The following GPR143 variants were observed in gnomAD, a reference collection of about 807,000 sequenced individuals.
GPR143 encodes G-protein coupled receptor 143.
In GPR143, 8 loss-of-function variants were observed where a neutral mutation model predicts 27.6. That is an observed-to-expected ratio of 0.29 (90% CI 0.17 to 0.52). The LOEUF (loss-of-function observed/expected upper bound fraction) is 0.52, where lower values mean the gene tolerates loss of function less well. Ranked by LOEUF, GPR143 falls within the 20% of genes least tolerant of loss-of-function variation. GPR143 has a pLI of 0.96. For synonymous variants in GPR143, 156 were observed against 153.2 expected, an observed-to-expected ratio of 1.02 and a Z score of -0.13; for missense variants, 303 against 343.1, an observed-to-expected ratio of 0.88 and a Z score of 0.92.
At chrX:9,749,594 C>G (rs1263045765) in intron 3 of GPR143, among the ~76,000 whole-genome samples, 1 of 112,171 alleles carries the variant, frequency 8.9e-6, no homozygotes, top group African/African-American at 3.2e-5. Flanking sequence ...GGTTCACTGA[C>G]GTTGTAGCAT....
intron 8 of GPR143, among the ~76,000 whole-genome samples, chrX:9,728,281 C>T (rs1045244515): frequency 3.7e-5 from 4 of 109,302 alleles, no homozygotes; most frequent in African/African-American, 6.7e-5. Flanking sequence ...TTGACAGCAA[C>T]GGGATGCAGC....
rs1846616636 is a variant in GPR143, at chrX:9,744,696, C to T, written c.659-1023G>A. On this transcript the variant is annotated intron_variant, in intron 5 of 8. Transcript: ENST00000467482. ...CTCCAGCCTGGGCAAAAGAGCGAAA[C>T]CCCATCTCAAAAAAATAAAAATAGT... 2.7e-5 allele frequency among the ~76,000 whole-genome samples: 3 copies of T among 111,487 alleles called. No individual in the cohort carries two copies. The South Asian group carries it at 1.1e-3, about 42-fold the overall frequency.
At chrX:9,738,235 C>G (rs1489849031) in intron 8 of GPR143, 1 of 118,448 alleles carries the variant, frequency 8.4e-6, no homozygotes. Flanking sequence ...ACTGTTATTT[C>G]TAGTGTTTTA....
At chrX:9,775,668 C>T (rs560938521) in intron 1 of GPR143, among the ~76,000 whole-genome samples, 2 of 111,581 alleles carry the variant, frequency 1.8e-5, no homozygotes, top group East Asian at 2.9e-4. Context: ...TTGCAGTCAC[C>T]AAGAGTGTCT....
intron 1 of GPR143, among the ~76,000 whole-genome samples, chrX:9,764,760 C>T (rs1001829745): frequency 9.0e-6 from 1 of 111,707 alleles, no homozygotes; most frequent in Non-Finnish European, 1.9e-5. Context: ...GGCGCGGTGG[C>T]TTACGCCTGT....
chrX:9,755,934 G>C (rs752907644), intron 3 of GPR143, among the ~76,000 whole-genome samples: 1 of 111,695 alleles, frequency 9.0e-6, no homozygotes, highest in Non-Finnish European at 1.9e-5. Flanking sequence ...TCACAACCAG[G>C]CATATCTCAG....
At chrX:9,737,693 G>A (rs1479608498) in intron 8 of GPR143, among the ~76,000 whole-genome samples, 3 of 111,843 alleles carry the variant, frequency 2.7e-5, no homozygotes, top group Admixed American at 9.5e-5. Flanking sequence ...TTTATGGTAC[G>A]TTAATTATAT....
intron 1 of GPR143, 141 bp from the exon 2 acceptor site, chrX:9,760,967 G>A: frequency 6.9e-6 from 3 of 432,305 alleles, no homozygotes; most frequent in Admixed American, 3.5e-5. Context: ...AGGAGGGAGG[G>A]AGAGAGGGAG....
At chrX:9,776,528 G>A (rs1303280489) in intron 1 of GPR143, among the ~76,000 whole-genome samples, 1 of 104,228 alleles carries the variant, frequency 9.6e-6, no homozygotes, top group Non-Finnish European at 1.9e-5. Flanking sequence ...TGCAACTACA[G>A]GCACATGAAA....
intron 8 of GPR143, 165 bp from the exon 9 acceptor site, chrX:9,726,005 A>AAAAT: frequency 1.6e-6 from 1 of 610,591 alleles, no homozygotes; most frequent in Non-Finnish European, 1.9e-6. Context: ...AAAAAAAAAA[A>AAAAT]GGTGGGAGGG....
chrX:9,761,361 G>T, intron 1 of GPR143, among the ~76,000 whole-genome samples: 1 of 112,556 alleles, frequency 8.9e-6, no homozygotes, highest in East Asian at 2.8e-4. Context: ...CCCAAAGTGG[G>T]ATGACAGGCG....
At chrX:9,763,859 G>C (rs1443979065) in intron 1 of GPR143, among the ~76,000 whole-genome samples, 1 of 112,336 alleles carries the variant, frequency 8.9e-6, no homozygotes, top group Non-Finnish European at 1.9e-5. Context: ...TATTCACCCT[G>C]CCCTTGTAGG....
At chrX:9,736,380 G>A (rs1273254540) in intron 8 of GPR143, among the ~76,000 whole-genome samples, 2 of 111,683 alleles carry the variant, frequency 1.8e-5, no homozygotes, top group Non-Finnish European at 3.8e-5. Flanking sequence ...TGCATGTTAT[G>A]GGCAATTTTA....
chrX:9,776,519 G>C (rs1347285032), intron 1 of GPR143, among the ~76,000 whole-genome samples: 1 of 103,366 alleles, frequency 9.7e-6, no homozygotes, highest in African/African-American at 3.5e-5. Context: ...CCCAGTAGCT[G>C]CAACTACAGG....
chrX:9,725,432 TTAAC>T lies in GPR143; in HGVS notation c.*310_*313del. 4.1e-6 allele frequency: 1 copy of T among 244,816 alleles called. No homozygotes were observed. The highest frequency in any genetic ancestry group is 7.3e-6 in the Non-Finnish European group (1 of 137,152). The allele number at this position is 244,816 out of a possible 1,213,427, so 20.2% of individuals were successfully genotyped here. A position where few individuals can be genotyped will look rare whatever the true frequency, so the allele number is the denominator to read the frequency against. ...GAGAGCTCAGTCATAACTATTTTAT[TTAAC>T]TACTTCCCCAAGGATGTGGACCTTA... On this transcript the variant is annotated 3_prime_UTR_variant, in exon 9 of 9. Transcript: ENST00000467482.
chrX:9,742,930 A>G (rs765947352), intron 6 of GPR143, among the ~76,000 whole-genome samples: 1 of 111,346 alleles, frequency 9.0e-6, no homozygotes. Context: ...AACATGGTGA[A>G]ACCTCAACTC....
chrX:9,776,330 G>A (rs1210972582), intron 1 of GPR143, among the ~76,000 whole-genome samples: 2 of 112,200 alleles, frequency 1.8e-5, no homozygotes, highest in East Asian at 5.6e-4. Flanking sequence ...CTTTGTCCTG[G>A]TTTGAACATC....
At chrX:9,764,495 TAC>T (rs1174316237) in intron 1 of GPR143, among the ~76,000 whole-genome samples, 9 of 71,881 alleles carry the variant, frequency 1.3e-4, no homozygotes, top group Non-Finnish European at 2.2e-4. Flanking sequence ...GAAAAGAATT[TAC>T]ACACGCGCAC....
chrX:9,766,903 TCACA>T (rs58553907), upstream of GPR143, among the ~76,000 whole-genome samples: 20,131 of 86,541 alleles, frequency 0.23, 2,153 homozygotes, highest in Admixed American at 0.31. Flanking sequence ...TCTCTCTCTC[TCACA>T]CACACACACA....
Sources: gnomAD v4.1 joint callset for allele counts (sites outside exome capture counted in the v4.1 genomes callset) on GRCh38, gnomAD v4.1.1 for gene constraint, MANE v1.5 for transcripts, NCBI Gene and HGNC (gene_info 2026-07-23, HGNC 2026-07-21) for gene names.